Variants in BABAM2 observed in about 807,000 individuals in gnomAD.
The protein encoded by BABAM2 is BRISC and BRCA1-A complex member 2.
A neutral mutation model predicts 54.7 loss-of-function variants in BABAM2; 31 were observed. The ratio of observed to expected loss-of-function variants is 0.57; its 90% CI spans 0.43 to 0.77. The LOEUF (loss-of-function observed/expected upper bound fraction) is 0.77, where lower values mean the gene tolerates loss of function less well. Ranked by LOEUF, BABAM2 falls within the 30% of genes least tolerant of loss-of-function variation. The probability of loss-of-function intolerance (pLI) is 0.00; values close to 1 mark genes in which losing one functional copy is unlikely to be tolerated. For synonymous variants in BABAM2, 167 were observed against 162.9 expected, an observed-to-expected ratio of 1.03 and a Z score of -0.19; for missense variants, 364 against 455.8, an observed-to-expected ratio of 0.80 and a Z score of 1.83.
intron 2 of BABAM2, among the ~76,000 whole-genome samples, chr2:27,906,682 G>A (rs1666208839): frequency 1.3e-5 from 2 of 152,136 alleles, no homozygotes; most frequent in Non-Finnish European, 2.9e-5. Flanking sequence ...ACTTTAGGGT[G>A]ACTTCATTTG....
At chr2:28,099,687 T>G (rs1485619776) in intron 6 of BABAM2, among the ~76,000 whole-genome samples, 1 of 152,204 alleles carries the variant, frequency 6.6e-6, no homozygotes, top group Non-Finnish European at 1.5e-5. Context: ...CCTTATGAGG[T>G]AGATTGAAAA....
At chr2:27,933,773 T>G (rs13012050) in intron 3 of BABAM2, among the ~76,000 whole-genome samples, 27,557 of 147,522 alleles carry the variant, frequency 0.19, 3,556 homozygotes, top group East Asian at 0.61. Flanking sequence ...TGTTTTTTTT[T>G]TTTTTTTTTT....
chr2:28,040,833 GT>G (rs1374458155), intron 5 of BABAM2, among the ~76,000 whole-genome samples: 6 of 152,206 alleles, frequency 3.9e-5, no homozygotes, highest in African/African-American at 1.2e-4. Context: ...ATTTATATTA[GT>G]CCTGGGACCA....
At chr2:27,999,648 G>A (rs1448014634) in intron 4 of BABAM2, among the ~76,000 whole-genome samples, 1 of 152,180 alleles carries the variant, frequency 6.6e-6, no homozygotes, top group Admixed American at 6.5e-5. Flanking sequence ...TTTGTGAGAT[G>A]TTCATGATTT....
intron 11 of BABAM2, among the ~76,000 whole-genome samples, chr2:28,334,929 G>A (rs988849473): frequency 2.0e-5 from 3 of 152,192 alleles, no homozygotes; most frequent in Admixed American, 1.3e-4. Flanking sequence ...TGTGGCGACT[G>A]TGGCATGGTG....
At chr2:28,246,730 A>G (rs1156974642) in intron 10 of BABAM2, among the ~76,000 whole-genome samples, 1 of 152,202 alleles carries the variant, frequency 6.6e-6, no homozygotes, top group Non-Finnish European at 1.5e-5. Context: ...GGAAAAATAT[A>G]TTTCATGGCA....
chr2:28,062,817 T>TAGA (rs1363241893), intron 6 of BABAM2, among the ~76,000 whole-genome samples: 1 of 152,186 alleles, frequency 6.6e-6, no homozygotes, highest in African/African-American at 2.4e-5. Context: ...CTCAAGTGTT[T>TAGA]ATCCCCAGGG....
intron 10 of BABAM2, among the ~76,000 whole-genome samples, chr2:28,251,115 G>A (rs1683440951): frequency 6.6e-6 from 1 of 152,094 alleles, no homozygotes. Flanking sequence ...TCACACAGAT[G>A]TCTTAGTATT....
chr2:28,131,483 A>C (rs1235626911), intron 7 of BABAM2, among the ~76,000 whole-genome samples: 1 of 152,204 alleles, frequency 6.6e-6, no homozygotes, highest in South Asian at 2.1e-4. Context: ...TGAGTCAAGC[A>C]GATCTAGTTT....
intron 10 of BABAM2, among the ~76,000 whole-genome samples, chr2:28,267,891 A>G (rs1307623360): frequency 3.9e-5 from 6 of 152,266 alleles, no homozygotes; most frequent in African/African-American, 1.4e-4. Flanking sequence ...CAGTATCTCT[A>G]GTTGTAGTTG....
intron 10 of BABAM2, among the ~76,000 whole-genome samples, chr2:28,265,230 G>T (rs1046918241): frequency 3.9e-5 from 6 of 152,164 alleles, no homozygotes; most frequent in Admixed American, 2.0e-4. Flanking sequence ...GAGGTCAGGA[G>T]TTCAAGACCA....
In BABAM2 at chr2:27,913,339, C is replaced by A. The variant is rs138562999; in HGVS notation, c.129-16493C>A. On this transcript the variant is annotated intron_variant, in intron 2 of 11. Transcript: ENST00000379624. ...ATGGACCTGCTCTCTTTGAATAGCA[C>A]GATTCTAGAAAGATTTCTGCATTCT... Among the ~76,000 whole-genome samples, 959 of 152,146 alleles carry A rather than the reference C, an allele frequency of 6.3e-3. 7 individuals carry two copies. Among genetic ancestry groups the A allele is most frequent in the Non-Finnish European group, 7.8e-3 (532 of 67,960 alleles).
chr2:28,318,929 A>T (rs1270299109), intron 11 of BABAM2, among the ~76,000 whole-genome samples: 1 of 152,202 alleles, frequency 6.6e-6, no homozygotes, highest in Admixed American at 6.5e-5. Context: ...AGGGCTGCCC[A>T]AACTCCACCT....
rs143581344 is a variant in BABAM2, at chr2:28,005,168, G to C, written c.300+17081G>C. ...ATTGATATATAAATAGAACTGAATAGAAATACTTTTGGAATGAGCTATAGA... is the reference window on the plus strand; with the variant it reads ...ATTGATATATAAATAGAACTGAATACAAATACTTTTGGAATGAGCTATAGA... On this transcript the variant is annotated intron_variant, in intron 4 of 11. Coordinates refer to ENST00000379624, the MANE Select transcript of BABAM2 (RefSeq NM_199191.3). 5.9e-3 allele frequency among the ~76,000 whole-genome samples: 891 copies of C among 152,200 alleles called. 14 individuals carry two copies. Among genetic ancestry groups the C allele is most frequent in the African/African-American group, 0.02 (844 of 41,546 alleles).
At chr2:28,035,379 G>A (rs982819200) in intron 5 of BABAM2, among the ~76,000 whole-genome samples, 2 of 152,156 alleles carry the variant, frequency 1.3e-5, no homozygotes, top group African/African-American at 4.8e-5. Flanking sequence ...TGTAGTAGGT[G>A]CTCTGGTCAT....
intron 6 of BABAM2, among the ~76,000 whole-genome samples, chr2:28,066,274 TG>T (rs1558304603): frequency 6.6e-6 from 1 of 152,060 alleles, no homozygotes; most frequent in Non-Finnish European, 1.5e-5. Flanking sequence ...GTATATATGT[TG>T]GTAAATATGA....
At chr2:27,910,197 G>T (rs994245839) in intron 2 of BABAM2, among the ~76,000 whole-genome samples, 2 of 152,178 alleles carry the variant, frequency 1.3e-5, no homozygotes, top group African/African-American at 4.8e-5. Flanking sequence ...CATAACAGCT[G>T]TGTCTCCACC....
chr2:27,893,853 G>T (rs1665057853), intron 1 of BABAM2, among the ~76,000 whole-genome samples: 1 of 152,028 alleles, frequency 6.6e-6, no homozygotes, highest in Non-Finnish European at 1.5e-5. Flanking sequence ...AATTAGCTGG[G>T]CGTGGTGGCA....
At chr2:27,945,248 C>T (rs928170830) in intron 3 of BABAM2, among the ~76,000 whole-genome samples, 2 of 151,960 alleles carry the variant, frequency 1.3e-5, no homozygotes, top group Admixed American at 1.3e-4. Context: ...AGGCTGGTCT[C>T]GAACTCCTGG....
Sources: allele counts gnomAD v4.1 joint callset (sites outside exome capture counted in the v4.1 genomes callset), GRCh38; gene constraint gnomAD v4.1.1; transcripts MANE v1.5; gene names NCBI Gene and HGNC (gene_info 2026-07-23, HGNC 2026-07-21).